Variants in PTPRC observed in about 807,000 individuals in gnomAD.
PTPRC encodes protein tyrosine phosphatase receptor type C, also known as receptor-type tyrosine-protein phosphatase C.
In PTPRC, 44 loss-of-function variants were observed where a neutral mutation model predicts 155.9. The observed-to-expected ratio is 0.28, with a 90% confidence interval of 0.22 to 0.36. The LOEUF is 0.36. Ranked by LOEUF, PTPRC falls within the 10% of genes least tolerant of loss-of-function variation. PTPRC has a pLI of 1.00. For synonymous variants in PTPRC, 525 were observed against 533.1 expected (o/e 0.98, Z 0.21); for missense variants, 1,401 against 1,564.6 (o/e 0.90, Z 1.76).
chr1:198,706,781 A>G lies in PTPRC; in HGVS notation c.733A>G (p.Thr245Ala), dbSNP rs1432861899. 6.2e-7 allele frequency: 1 copy of G among 1,612,720 alleles called. No individual in the cohort carries two copies. The highest frequency in any genetic ancestry group is 8.5e-7 in the Non-Finnish European group (1 of 1,179,110). Residue 245 changes from threonine (T) to alanine (A), a missense_variant, in exon 9 of 33, where the codon ACT becomes GCT. Coordinates refer to ENST00000442510, the MANE Select transcript of PTPRC (RefSeq NM_002838.5). ...ITVDYLYNKE[T>A]KLFTAKLNVN... ...TGTGGATTACTTATATAACAAGGAA[A>G]CTAAATTATTTACAGCAAAGCTAAA...
At chr1:198,744,325 G>A in intron 26 of PTPRC, 122 bp downstream of exon 26, 1 of 953,262 alleles carries the variant, frequency 1.0e-6, no homozygotes, top group Non-Finnish European at 1.6e-6. Context: ...AGAACCAAAG[G>A]AGCACAGATG....
At chr1:198,687,551 C>T (rs184468336) in intron 2 of PTPRC, among the ~76,000 whole-genome samples, 2 of 152,096 alleles carry the variant, frequency 1.3e-5, no homozygotes, top group South Asian at 4.1e-4. Context: ...GCATTCTCCA[C>T]CAAAGTATTT....
rs563362029 is a variant in PTPRC at position 198,756,189 on chromosome 1, C to T, written c.*8C>T. On this transcript the variant is annotated 3_prime_UTR_variant, in exon 33 of 33. Coordinates refer to ENST00000442510, the MANE Select transcript of PTPRC (RefSeq NM_002838.5). ...TTAAATCAAGGTTCATAGGAAAAGA[C>T]ATAAATGAGGAAACTCCAAACCTCC... 6 of 1,612,850 alleles carry T rather than the reference C, an allele frequency of 3.7e-6. No homozygotes were observed. The highest frequency in any genetic ancestry group is 1.7e-6 in the Non-Finnish European group (2 of 1,179,414).
At position 198,735,244 on chromosome 1, in the gene PTPRC, A is replaced by G. The variant is rs185420520; in HGVS notation, c.2395A>G (p.Ile799Val). The G allele has an allele frequency of 3.8e-6, 6 of 1,599,446 alleles. No individual in the cohort carries two copies. The highest frequency in any genetic ancestry group is 5.1e-6 in the Non-Finnish European group (6 of 1,171,656). ...AGATTACATCATTCAGAAATTGAAC[A>G]TTGTAAATGTGAGTTTGCTTTTTAC... ...CPDYIIQKLN[I>V]VNKKEKATGR... is the part of the protein sequence containing the mutation. Residue 799 changes from isoleucine to valine, a missense_variant, in exon 23 of 33, where the codon ATT becomes GTT. Transcript: ENST00000442510.
At chr1:198,717,986 C>A (rs908488542) in intron 13 of PTPRC, 108 bp from the exon 14 acceptor site, 3 of 727,126 alleles carry the variant, frequency 4.1e-6, no homozygotes, top group Admixed American at 2.3e-5. Context: ...TTATTTATAA[C>A]CCCCAAGCTA....
intron 2 of PTPRC, among the ~76,000 whole-genome samples, chr1:198,687,006 G>A (rs1209127773): frequency 1.3e-5 from 2 of 152,046 alleles, no homozygotes; most frequent in Non-Finnish European, 2.9e-5. Context: ...TGTTGTTGTT[G>A]TTGTTGTTGT....
chr1:198,713,121 T>C (rs1158601428), intron 12 of PTPRC, 49 bp downstream of exon 12: 1 of 1,611,140 alleles, frequency 6.2e-7, no homozygotes, highest in East Asian at 2.2e-5. Flanking sequence ...ATCAAGAATT[T>C]GAAAGTACTA....
chr1:198,671,268 A>C (rs1664632051), intron 2 of PTPRC, among the ~76,000 whole-genome samples: 1 of 152,172 alleles, frequency 6.6e-6, no homozygotes, highest in South Asian at 2.1e-4. Flanking sequence ...GTTTCCAATA[A>C]ATTAAACCCA....
At chr1:198,718,431 T>A in intron 14 of PTPRC, 129 bp downstream of exon 14, 1 of 806,100 alleles carries the variant, frequency 1.2e-6, no homozygotes, top group Non-Finnish European at 2.0e-6. Flanking sequence ...GGAATCACAC[T>A]TAAAGAGTCT....
At position 198,709,676 on chromosome 1, in the gene PTPRC, C is replaced by T; in HGVS notation, c.1034-11C>T. On this transcript the variant is annotated splice_polypyrimidine_tract_variant and intron_variant, in intron 10 of 32. Coordinates refer to ENST00000442510, the MANE Select transcript of PTPRC (RefSeq NM_002838.5). Reference sequence around the variant, plus strand: ...ATCGATATATTCATTCGAAATATTTCTTTATTTCAGGTAATATGATATTTG... The same window carrying T: ...ATCGATATATTCATTCGAAATATTTTTTTATTTCAGGTAATATGATATTTG... 1 of 1,537,458 alleles carries T rather than the reference C, an allele frequency of 6.5e-7. No individual in the cohort carries two copies. The highest frequency in any genetic ancestry group is 1.2e-5 in the South Asian group (1 of 83,438).
intron 4 of PTPRC, among the ~76,000 whole-genome samples, chr1:198,697,190 C>T (rs1193895598): frequency 6.6e-6 from 1 of 152,112 alleles, no homozygotes; most frequent in Non-Finnish European, 1.5e-5. Context: ...TATACACACT[C>T]GCCATGATTC....
intron 4 of PTPRC, 103 bp downstream of exon 4, chr1:198,697,012 A>C (rs1393322424): frequency 9.0e-7 from 1 of 1,108,556 alleles, no homozygotes; most frequent in Middle Eastern, 2.0e-4. Context: ...ACAGTTTCTA[A>C]GTATGTGATT....
At chr1:198,694,947 G>C in intron 3 of PTPRC, 1 of 981,138 alleles carries the variant, frequency 1.0e-6, no homozygotes, top group East Asian at 1.1e-4. Context: ...AAGTTTGATG[G>C]ATTTATTTGT....
intron 8 of PTPRC, among the ~76,000 whole-genome samples, chr1:198,705,530 C>T (rs1223303482): frequency 6.6e-6 from 1 of 151,248 alleles, no homozygotes; most frequent in Non-Finnish European, 1.5e-5. Flanking sequence ...AAGTGATTCT[C>T]CTGCCTCAGC....
At chr1:198,752,471 A>G in intron 30 of PTPRC, 100 bp downstream of exon 30, 2 of 1,532,868 alleles carry the variant, frequency 1.3e-6, no homozygotes, top group East Asian at 2.3e-5. Flanking sequence ...CATATAAATA[A>G]TGTTTCAGAA....
At chr1:198,744,545 G>A (rs980159063) in intron 26 of PTPRC, among the ~76,000 whole-genome samples, 3 of 151,812 alleles carry the variant, frequency 2.0e-5, no homozygotes, top group Non-Finnish European at 4.4e-5. Flanking sequence ...TTTAAAAATC[G>A]TATCTGGTTT....
intron 14 of PTPRC, among the ~76,000 whole-genome samples, chr1:198,718,747 ACACT>A (rs1259494024): frequency 6.6e-6 from 1 of 152,108 alleles, no homozygotes; most frequent in Middle Eastern, 3.2e-3. Context: ...AGAATTTAAA[ACACT>A]CATTATCTCA....
In PTPRC at chr1:198,711,484, T is replaced by A. The variant is rs1653308208; in HGVS notation, c.1172-1469T>A. ...ACCTCTCAACAAACACAAAAATTAA[T>A]TCAAAATGGATTCCAGACCTAAATA... On this transcript the variant is annotated intron_variant, in intron 11 of 32. Coordinates refer to ENST00000442510, the MANE Select transcript of PTPRC (RefSeq NM_002838.5). Among the ~76,000 whole-genome samples, 3 of 152,062 alleles carry A rather than the reference T, an allele frequency of 2.0e-5. No homozygotes were observed. The South Asian group carries it at 6.2e-4, about 32-fold the overall frequency.
chr1:198,739,073 G>C (rs1654778886), intron 23 of PTPRC, among the ~76,000 whole-genome samples: 2 of 151,452 alleles, frequency 1.3e-5, no homozygotes, highest in Admixed American at 6.6e-5. Flanking sequence ...GCATTCAACA[G>C]ATACATAAAA....
Sources: allele counts gnomAD v4.1 joint callset (sites outside exome capture counted in the v4.1 genomes callset), GRCh38; gene constraint gnomAD v4.1.1; transcripts MANE v1.5; gene names NCBI Gene and HGNC (gene_info 2026-07-23, HGNC 2026-07-21).